Variants in ZNF718 observed in about 807,000 individuals in gnomAD.
ZNF718 encodes zinc finger protein 718.
In ZNF718, 3 loss-of-function variants were observed where a neutral mutation model predicts 2.6. That is an observed-to-expected ratio of 1.16 (90% CI 0.53 to 3.01). The LOEUF is 3.01. ZNF718 is among the 30% of genes most tolerant of loss of function. The pLI is 0.03. For synonymous variants in ZNF718, 135 were observed against 77.9 expected, an observed-to-expected ratio of 1.73 and a Z score of -3.86; for missense variants, 468 against 230.0, an observed-to-expected ratio of 2.03 and a Z score of -6.69.
intron 3 of ZNF718, among the ~76,000 whole-genome samples, chr4:200,534 T>G (rs6826770): frequency 0.014 from 2,155 of 152,342 alleles, 53 homozygotes; most frequent in African/African-American, 0.049. Context: ...CCCAAAGTGC[T>G]GGCATTACAG....
intron 1 of ZNF718, 130 bp downstream of exon 1, chr4:124,803 G>C (rs1290468131): frequency 7.8e-7 from 1 of 1,284,458 alleles, no homozygotes; most frequent in African/African-American, 1.5e-5. Flanking sequence ...CCTCCGGTGA[G>C]GGACCCGCGC....
intron 3 of ZNF718, among the ~76,000 whole-genome samples, chr4:192,184 C>G (rs1422854954): frequency 5.9e-5 from 9 of 152,126 alleles, no homozygotes; most frequent in African/African-American, 2.2e-4. Flanking sequence ...GATAGCTCAG[C>G]TCGAGCCGGA....
chr4:182,600 T>A (rs1248329464), intron 3 of ZNF718, among the ~76,000 whole-genome samples: 1 of 151,780 alleles, frequency 6.6e-6, no homozygotes, highest in Non-Finnish European at 1.5e-5. Context: ...GCCTGGCTAA[T>A]TTTTTGTATT....
chr4:171,083 A>G (rs1553817873), intron 3 of ZNF718, among the ~76,000 whole-genome samples: 1 of 152,156 alleles, frequency 6.6e-6, no homozygotes, highest in Non-Finnish European at 1.5e-5. Flanking sequence ...CCGCAGCTTC[A>G]GGTCTGTTGG....
chr4:136,216 G>A (rs1438746111), intron 3 of ZNF718, among the ~76,000 whole-genome samples: 1 of 152,168 alleles, frequency 6.6e-6, no homozygotes, highest in Non-Finnish European at 1.5e-5. Flanking sequence ...AATGGGTTTG[G>A]CTTCTACTGA....
At position 131,113 on chromosome 4, in the gene ZNF718, GT is replaced by G. The variant is rs1715340240; in HGVS notation, c.130+202del. Among the ~76,000 whole-genome samples the G allele has an allele frequency of 1.9e-5, 2 of 103,932 alleles. 1 individual carries two copies. Among genetic ancestry groups the G allele is most frequent in the Non-Finnish European group, 4.3e-5 (2 of 46,652 alleles). 68.2% of individuals were successfully genotyped at this position (103,932 alleles called of 152,430 possible). ...CATAAACCTTCTTTTGAGCTAATTT[GT>G]TTCCTTCGCTCTAGGCTAGTGGTAA... On this transcript the variant is annotated intron_variant, in intron 2 of 3. Coordinates refer to ENST00000510175, the MANE Select transcript of ZNF718 (RefSeq NM_001039127.6).
Position 161,919 on chromosome 4 carries a change from A to G in ZNF718, c.1234A>G (p.Asn412Asp), listed in dbSNP as rs782154667. The G allele has an allele frequency of 5.1e-6, 4 of 779,898 alleles. No individual in the cohort carries two copies. Among genetic ancestry groups the G allele is most frequent in the Non-Finnish European group, 7.2e-6 (3 of 417,640 alleles). 48.3% of individuals were successfully genotyped at this position (779,898 alleles called of 1,614,324 possible). Residue 412 changes from asparagine to aspartate, a missense_variant, in exon 4 of 4, where the codon AAT becomes GAT. Transcript: ENST00000510175. ...CTTTAAAGTGTTTGCAAACCTGCAT[A>G]ATCATAAGAAAATTCATACTGGAGA... ...KAFKVFANLHNHKKIHTGEKP... is the reference protein window; with the variant it reads ...KAFKVFANLHDHKKIHTGEKP...
At chr4:182,862 T>C (rs900529203) in intron 3 of ZNF718, among the ~76,000 whole-genome samples, 3 of 152,254 alleles carry the variant, frequency 2.0e-5, no homozygotes, top group Non-Finnish European at 4.4e-5. Context: ...TGTTTTCTTC[T>C]TGTAAATTTG....
chr4:174,386 G>A (rs1553818729), intron 3 of ZNF718, among the ~76,000 whole-genome samples: 1 of 152,152 alleles, frequency 6.6e-6, no homozygotes, highest in African/African-American at 2.4e-5. Flanking sequence ...CCTAAAACAT[G>A]AAAGATTGTA....
At chr4:140,406 A>G (rs781969506) in intron 3 of ZNF718, among the ~76,000 whole-genome samples, 2 of 152,128 alleles carry the variant, frequency 1.3e-5, no homozygotes, top group African/African-American at 2.4e-5. Flanking sequence ...TTTGGCCCCA[A>G]CATTGTTTGG....
chr4:195,938 CT>C (rs2108818049), intron 3 of ZNF718, among the ~76,000 whole-genome samples: 1 of 152,228 alleles, frequency 6.6e-6, no homozygotes, highest in East Asian at 1.9e-4. Context: ...CTGTCTTTCT[CT>C]TTTTTTCTCT....
intron 3 of ZNF718, among the ~76,000 whole-genome samples, chr4:133,195 A>AAAAAACATATATATAT (rs1258303094): frequency 4.8e-5 from 1 of 20,774 alleles, no homozygotes; most frequent in African/African-American, 1.7e-4. Context: ...AAAAAAAAAA[A>AAAAAACATATATATAT]ATATATATAT....
chr4:136,864 C>CT (rs1173080295), intron 3 of ZNF718, among the ~76,000 whole-genome samples: 1 of 152,066 alleles, frequency 6.6e-6, no homozygotes, highest in Admixed American at 6.6e-5. Context: ...AGTTTTTTCA[C>CT]TTTTTGGCTT....
intron 3 of ZNF718, among the ~76,000 whole-genome samples, chr4:139,594 G>C (rs1479805231): frequency 6.6e-6 from 1 of 152,206 alleles, no homozygotes; most frequent in Non-Finnish European, 1.5e-5. Context: ...CCCACACTGT[G>C]GAGTGTATTT....
intron 1 of ZNF718, among the ~76,000 whole-genome samples, chr4:127,475 G>A (rs1715266403): frequency 9.6e-6 from 1 of 103,868 alleles, no homozygotes; most frequent in Non-Finnish European, 2.1e-5. Context: ...TCATACATGT[G>A]CATTGATTAA....
chr4:129,123 G>A (rs1715297982), intron 1 of ZNF718, among the ~76,000 whole-genome samples: 1 of 104,406 alleles, frequency 9.6e-6, no homozygotes, highest in African/African-American at 3.3e-5. Context: ...AGAAATTGTT[G>A]TTATTATTTG....
chr4:145,920 A>G (rs1227535432), intron 3 of ZNF718, among the ~76,000 whole-genome samples: 2 of 152,096 alleles, frequency 1.3e-5, no homozygotes, highest in Admixed American at 1.3e-4. Context: ...AAACAATTTT[A>G]CTTCCTTTAA....
intron 3 of ZNF718, among the ~76,000 whole-genome samples, chr4:152,939 T>C (rs577736563): frequency 8.0e-6 from 1 of 125,362 alleles, no homozygotes; most frequent in South Asian, 2.8e-4. Context: ...TGTAGTCACG[T>C]TTGCAGATTT....
At chr4:189,402 GTTA>G (rs1233380814) in intron 3 of ZNF718, among the ~76,000 whole-genome samples, 2 of 151,804 alleles carry the variant, frequency 1.3e-5, no homozygotes, top group Admixed American at 6.6e-5. Context: ...TTTTTCCAAT[GTTA>G]TTATTAAATT....
Sources: gnomAD v4.1 joint callset for allele counts (sites outside exome capture counted in the v4.1 genomes callset) on GRCh38, gnomAD v4.1.1 for gene constraint, MANE v1.5 for transcripts, NCBI Gene and HGNC (gene_info 2026-07-23, HGNC 2026-07-21) for gene names.